The following GALNT13 variants were observed in gnomAD, a reference collection of about 807,000 sequenced individuals.
The protein encoded by GALNT13 is polypeptide N-acetylgalactosaminyltransferase 13, also known as UDP-GalNAc:polypeptide N-acetylgalactosaminyltransferase 13.
In GALNT13, 28 loss-of-function variants were observed where a neutral mutation model predicts 64.2. That is an observed-to-expected ratio of 0.44 (90% CI 0.32 to 0.60). GALNT13 has a LOEUF of 0.60. Among genes scored for constraint, GALNT13 ranks in the 20% least tolerant of loss-of-function variants. GALNT13 has a pLI of 0.05. For synonymous variants in GALNT13, 214 were observed against 224.6 expected (o/e 0.95, Z 0.42); for missense variants, 577 against 669.8 (o/e 0.86, Z 1.53).
the GALNT13 span, among the ~76,000 whole-genome samples, chr2:153,304,707 T>C: frequency 3.7e-4 from 56 of 152,132 alleles, no homozygotes; most frequent in Admixed American, 3.7e-3. Flanking sequence ...ATTCACTCAT[T>C]TCCCAGCTGG....
chr2:153,127,726 C>T, the GALNT13 span, among the ~76,000 whole-genome samples: 112 of 152,248 alleles, frequency 7.4e-4, no homozygotes, highest in African/African-American at 2.5e-3. Context: ...GCTTGCTGTG[C>T]TTAACTTTGC....
At position 154,018,203 on chromosome 2, in the gene GALNT13, A is replaced by AT. The variant is rs201254829; in HGVS notation, c.142+73570dup. 7.0e-3 allele frequency among the ~76,000 whole-genome samples: 1,071 copies of AT among 152,282 alleles called. 15 individuals carry two copies. The highest frequency in any genetic ancestry group is 0.025 in the African/African-American group (1,031 of 41,552). ...ACTCAGTAAATATATGAACGGAAAC[A>AT]TTTTTTACATTTCCATTTGTTTTGT... On this transcript the variant is annotated intron_variant, in intron 3 of 12. Transcript: ENST00000392825.
chr2:154,333,903 G>C (rs1695298667), intron 9 of GALNT13, among the ~76,000 whole-genome samples: 2 of 151,994 alleles, frequency 1.3e-5, no homozygotes, highest in African/African-American at 4.8e-5. Flanking sequence ...AAATAATCCA[G>C]TGTCTTTGCT....
chr2:154,191,322 GTAAT>G, intron 4 of GALNT13, among the ~76,000 whole-genome samples: 1 of 152,278 alleles, frequency 6.6e-6, no homozygotes, highest in African/African-American at 2.4e-5. Flanking sequence ...CCTGAGCAGA[GTAAT>G]GGATTAAGAA....
chr2:153,486,086 T>C, the GALNT13 span, among the ~76,000 whole-genome samples: 1 of 152,132 alleles, frequency 6.6e-6, no homozygotes, highest in Non-Finnish European at 1.5e-5. Context: ...TACAGGCATG[T>C]GCCACCACAC....
At chr2:154,052,578 A>T (rs908507735) in intron 3 of GALNT13, among the ~76,000 whole-genome samples, 8 of 151,962 alleles carry the variant, frequency 5.3e-5, no homozygotes, top group African/African-American at 1.9e-4. Context: ...AGTATAAGAG[A>T]GAGGAGAGTA....
chr2:153,237,372 A>G, the GALNT13 span, among the ~76,000 whole-genome samples: 65 of 151,942 alleles, frequency 4.3e-4, no homozygotes, highest in Non-Finnish European at 8.7e-4. Context: ...TGTTATTTAA[A>G]AATATACAAT....
At chr2:153,377,343 G>A in the GALNT13 span, among the ~76,000 whole-genome samples, 24 of 152,196 alleles carry the variant, frequency 1.6e-4, no homozygotes, top group Admixed American at 7.9e-4. Flanking sequence ...TTTGGGTATG[G>A]TCTGTTTGTC....
At chr2:153,362,259 C>T in the GALNT13 span, among the ~76,000 whole-genome samples, 11 of 152,048 alleles carry the variant, frequency 7.2e-5, no homozygotes, top group Admixed American at 5.2e-4. Flanking sequence ...CCACCCACTG[C>T]AAAAACACAC....
chr2:153,775,905 A>G, the GALNT13 span, among the ~76,000 whole-genome samples: 1 of 152,070 alleles, frequency 6.6e-6, no homozygotes, highest in East Asian at 1.9e-4. Flanking sequence ...TTCTTTTTTT[A>G]ATCTGCTTTC....
intron 8 of GALNT13, among the ~76,000 whole-genome samples, chr2:154,263,569 C>T (rs1157369394): frequency 1.3e-5 from 2 of 152,174 alleles, no homozygotes; most frequent in African/African-American, 4.8e-5. Flanking sequence ...TATAATTATA[C>T]TAAGTGTTAG....
chr2:154,016,409 GA>G, intron 3 of GALNT13, among the ~76,000 whole-genome samples: 1 of 152,132 alleles, frequency 6.6e-6, no homozygotes, highest in Middle Eastern at 3.4e-3. Context: ...TATTGTACTA[GA>G]TTGTGTTTTG....
chr2:153,682,823 C>A, the GALNT13 span, among the ~76,000 whole-genome samples: 1 of 151,872 alleles, frequency 6.6e-6, no homozygotes, highest in Admixed American at 6.6e-5. Context: ...GGCTAAACCA[C>A]ATGGCTTAAG....
the GALNT13 span, among the ~76,000 whole-genome samples, chr2:153,146,939 A>G: frequency 6.6e-6 from 1 of 151,572 alleles, no homozygotes; most frequent in Non-Finnish European, 1.5e-5. Context: ...AACTTGATCA[A>G]CTCTCCTTTC....
At chr2:154,183,339 C>G (rs2105735526) in intron 4 of GALNT13, among the ~76,000 whole-genome samples, 1 of 152,150 alleles carries the variant, frequency 6.6e-6, no homozygotes. Context: ...TTCTTATGAT[C>G]CTTTATACTT....
chr2:154,421,518 C>G (rs116406199), intron 11 of GALNT13, among the ~76,000 whole-genome samples: 1 of 152,008 alleles, frequency 6.6e-6, no homozygotes. Flanking sequence ...ATTATATACT[C>G]ATGATGTCAA....
the GALNT13 span, among the ~76,000 whole-genome samples, chr2:153,073,282 T>A: frequency 8.5e-5 from 13 of 152,080 alleles, no homozygotes; most frequent in Non-Finnish European, 1.5e-4. Flanking sequence ...TCTAGCAGAT[T>A]ATTCTGAATA....
the GALNT13 span, among the ~76,000 whole-genome samples, chr2:153,338,238 A>G: frequency 2.0e-5 from 3 of 152,192 alleles, no homozygotes; most frequent in African/African-American, 7.2e-5. Context: ...GGCTGCAGTG[A>G]GCTATGATCC....
At chr2:153,136,577 G>C in the GALNT13 span, among the ~76,000 whole-genome samples, 17 of 152,170 alleles carry the variant, frequency 1.1e-4, no homozygotes, top group South Asian at 2.3e-3. Flanking sequence ...CAGCCACTCA[G>C]CTAAAAGAAA....
Sources: allele counts gnomAD v4.1 joint callset (sites outside exome capture counted in the v4.1 genomes callset), GRCh38; gene constraint gnomAD v4.1.1; transcripts MANE v1.5; gene names NCBI Gene and HGNC (gene_info 2026-07-23, HGNC 2026-07-21).